The following CLYBL variants were observed in gnomAD, a reference collection of about 807,000 sequenced individuals.
CLYBL encodes citramalyl-CoA lyase, mitochondrial.
Under a neutral mutation model 38.9 loss-of-function variants are expected in CLYBL, and 31 were observed. The ratio of observed to expected loss-of-function variants is 0.80; its 90% CI spans 0.60 to 1.08. CLYBL has a LOEUF of 1.08. Among genes scored for constraint, CLYBL ranks in the 50% least tolerant of loss-of-function variants. The pLI, the probability that CLYBL is intolerant of heterozygous loss-of-function variation, is 0.00. For missense variants in CLYBL, 434 were observed against 411.6 expected (o/e 1.05, Z -0.47); for synonymous variants, 171 against 158.6 (o/e 1.08, Z -0.59).
intron 1 of CLYBL, among the ~76,000 whole-genome samples, chr13:99,749,896 T>A (rs1322594459): frequency 6.6e-6 from 1 of 152,150 alleles, no homozygotes; most frequent in Non-Finnish European, 1.5e-5. Context: ...TCAGGGTACT[T>A]GGGAACTTAG....
chr13:99,866,223 TAACA>T lies in CLYBL; in HGVS notation c.635-16_635-13del. On this transcript the variant is annotated splice_polypyrimidine_tract_variant and intron_variant, in intron 5 of 8. Coordinates refer to ENST00000339105, the MANE Select transcript of CLYBL (RefSeq NM_206808.5). The stretch of plus-strand genomic sequence containing the variant: ...CAAAGTTAAAGCCTCCTTTTTCTGT[TAACA>T]TCCCATTTTCAGGTGCAACAAGTAG... 1 of 1,612,294 alleles carries T rather than the reference TAACA, an allele frequency of 6.2e-7. No individual in the cohort carries two copies.
chr13:99,758,422 G>T (rs1314599613), intron 1 of CLYBL, among the ~76,000 whole-genome samples: 2 of 152,168 alleles, frequency 1.3e-5, no homozygotes, highest in African/African-American at 4.8e-5. Flanking sequence ...CATATTTTTT[G>T]AATACAGTTA....
intron 2 of CLYBL, among the ~76,000 whole-genome samples, chr13:99,814,728 A>AG (rs1230088986): frequency 1.6e-5 from 2 of 121,218 alleles, no homozygotes; most frequent in Non-Finnish European, 3.4e-5. Flanking sequence ...ACCCTGTCTC[A>AG]GAAAAAAAAA....
At chr13:99,776,863 T>C (rs1292695938) in intron 2 of CLYBL, among the ~76,000 whole-genome samples, 1 of 152,074 alleles carries the variant, frequency 6.6e-6, no homozygotes, top group East Asian at 1.9e-4. Context: ...AGCACAGAGA[T>C]ATCCAGTTCA....
intron 2 of CLYBL, among the ~76,000 whole-genome samples, chr13:99,842,436 A>G (rs556321987): frequency 1.3e-5 from 2 of 152,302 alleles, no homozygotes; most frequent in South Asian, 4.1e-4. Context: ...GAACCCCATC[A>G]ATGAACAGGC....
chr13:99,827,252 C>T (rs2050712828), intron 2 of CLYBL, among the ~76,000 whole-genome samples: 1 of 152,160 alleles, frequency 6.6e-6, no homozygotes, highest in Non-Finnish European at 1.5e-5. Context: ...TCCGTATACA[C>T]ATATCGATTC....
chr13:99,819,456 ATATATATATAT>A (rs1566340246), intron 2 of CLYBL, among the ~76,000 whole-genome samples: 3,667 of 45,742 alleles, frequency 0.08, 183 homozygotes, highest in Admixed American at 0.1. Flanking sequence ...ATATATATAT[ATATATATATAT>A]AATATTTGTC....
At chr13:99,805,650 T>A (rs1253358698) in intron 2 of CLYBL, among the ~76,000 whole-genome samples, 2 of 152,160 alleles carry the variant, frequency 1.3e-5, no homozygotes, top group Non-Finnish European at 2.9e-5. Flanking sequence ...TGCTTTTGCA[T>A]CCATTAACTT....
chr13:99,760,890 T>C (rs1325500799), intron 1 of CLYBL, among the ~76,000 whole-genome samples: 1 of 152,238 alleles, frequency 6.6e-6, no homozygotes, highest in Non-Finnish European at 1.5e-5. Context: ...TCTTTTCTTC[T>C]AGCTATTTGG....
intron 2 of CLYBL, among the ~76,000 whole-genome samples, chr13:99,797,907 T>A (rs2050055724): frequency 6.6e-6 from 1 of 152,182 alleles, no homozygotes; most frequent in Non-Finnish European, 1.5e-5. Context: ...GGAGCCTGAT[T>A]AGCAGTTTGC....
intron 1 of CLYBL, among the ~76,000 whole-genome samples, chr13:99,659,939 T>C (rs765368300): frequency 3.3e-5 from 5 of 152,150 alleles, no homozygotes; most frequent in Non-Finnish European, 5.9e-5. Context: ...GGGCATAATA[T>C]CACCTGGATT....
chr13:99,692,481 A>G (rs141278699), intron 1 of CLYBL, among the ~76,000 whole-genome samples: 5,964 of 151,782 alleles, frequency 0.039, 151 homozygotes, highest in Non-Finnish European at 0.05. Context: ...TTTAGTAGAG[A>G]CGGGGTTTCA....
intron 2 of CLYBL, among the ~76,000 whole-genome samples, chr13:99,833,028 A>ATTTT (rs1566345781): frequency 1.4e-4 from 5 of 36,086 alleles, no homozygotes. Flanking sequence ...ATATATATAT[A>ATTTT]TATTTTTTTT....
intron 1 of CLYBL, among the ~76,000 whole-genome samples, chr13:99,761,586 G>A (rs929311297): frequency 6.6e-6 from 1 of 152,078 alleles, no homozygotes; most frequent in African/African-American, 2.4e-5. Flanking sequence ...ACTTTGATTG[G>A]TTCCATATTT....
At chr13:99,764,209 C>T (rs1390271461) in intron 1 of CLYBL, among the ~76,000 whole-genome samples, 3 of 151,974 alleles carry the variant, frequency 2.0e-5, no homozygotes, top group Non-Finnish European at 4.4e-5. Context: ...AGATGTGTAC[C>T]ACCATGCCTG....
intron 1 of CLYBL, among the ~76,000 whole-genome samples, chr13:99,699,699 A>AAAT (rs2048033382): frequency 7.2e-6 from 1 of 138,122 alleles, no homozygotes. Flanking sequence ...TCTCAAAAAA[A>AAAT]AAAATAAAAA....
chr13:99,773,288 T>C (rs980114295), intron 2 of CLYBL, among the ~76,000 whole-genome samples: 16 of 152,208 alleles, frequency 1.1e-4, no homozygotes, highest in Admixed American at 3.3e-4. Flanking sequence ...ATTTTGGCCA[T>C]GATGTTTGCC....
At chr13:99,874,008 C>T (rs957278950) in intron 7 of CLYBL, among the ~76,000 whole-genome samples, 27 of 152,170 alleles carry the variant, frequency 1.8e-4, no homozygotes, top group African/African-American at 5.6e-4. Flanking sequence ...TGGCAGGCAG[C>T]GATTCTTGTG....
chr13:99,817,668 AAAAAAGAAAAG>A (rs1163768384), intron 2 of CLYBL, among the ~76,000 whole-genome samples: 1 of 149,606 alleles, frequency 6.7e-6, no homozygotes, highest in Non-Finnish European at 1.5e-5. Flanking sequence ...AAAAAAAAAA[AAAAAAGAAAAG>A]AAAAAAGAAA....
Sources: gnomAD v4.1 joint callset for allele counts (sites outside exome capture counted in the v4.1 genomes callset) on GRCh38, gnomAD v4.1.1 for gene constraint, MANE v1.5 for transcripts, NCBI Gene and HGNC (gene_info 2026-07-23, HGNC 2026-07-21) for gene names.